Variants in RGPD2 observed in about 807,000 individuals in gnomAD.
RGPD2 encodes the protein RANBP2 like and GRIP domain containing 2, also known as RANBP2-like and GRIP domain-containing protein 2.
In RGPD2, 2 loss-of-function variants were observed where a neutral mutation model predicts 36.0. That is an observed-to-expected ratio of 0.06 (90% CI 0.02 to 0.17). The LOEUF (loss-of-function observed/expected upper bound fraction) is 0.17. Ranked by LOEUF, RGPD2 falls within the 10% of genes least tolerant of loss-of-function variation. RGPD2 has a pLI of 1.00. For synonymous variants in RGPD2, 19 were observed against 163.8 expected, an observed-to-expected ratio of 0.12 and a Z score of 6.75; for missense variants, 40 against 464.3, an observed-to-expected ratio of 0.09 and a Z score of 8.40.
the RGPD2 span, chr2:87,985,987 T>A: frequency 8.8e-7 from 1 of 1,131,930 alleles, no homozygotes. Context: ...ATAACCAAGT[T>A]TTTTTAACTT....
the RGPD2 span, among the ~76,000 whole-genome samples, chr2:87,971,986 T>A: frequency 1.9e-4 from 29 of 149,860 alleles, no homozygotes; most frequent in African/African-American, 9.9e-5. Context: ...GGAATAAGAA[T>A]GTCCTCAGAA....
At chr2:87,980,019 C>T in the RGPD2 span, among the ~76,000 whole-genome samples, 1 of 151,118 alleles carries the variant, frequency 6.6e-6, no homozygotes, top group African/African-American at 2.4e-5. Context: ...GTAAATTACA[C>T]CACAATTTAA....
the RGPD2 span, among the ~76,000 whole-genome samples, chr2:87,988,182 G>C: frequency 7.4e-6 from 1 of 135,682 alleles, no homozygotes; most frequent in African/African-American, 2.6e-5. Context: ...ACGTTTGTTG[G>C]CAAATCCCTT....
chr2:87,839,607 T>C, the RGPD2 span, among the ~76,000 whole-genome samples: 34 of 152,062 alleles, frequency 2.2e-4, no homozygotes, highest in African/African-American at 7.9e-4. Flanking sequence ...AAGAAGAAAA[T>C]TGTGTCTTTT....
the RGPD2 span, among the ~76,000 whole-genome samples, chr2:87,937,845 A>G: frequency 3.9e-5 from 6 of 151,966 alleles, no homozygotes; most frequent in Non-Finnish European, 8.8e-5. Flanking sequence ...GAGTATTTCA[A>G]GGAGGTAGAT....
the RGPD2 span, among the ~76,000 whole-genome samples, chr2:87,942,467 C>A: frequency 7.3e-6 from 1 of 137,818 alleles, no homozygotes; most frequent in Non-Finnish European, 1.5e-5. Context: ...ACTAGTTTTT[C>A]CTTCTATTTT....
chr2:87,841,908 C>T, the RGPD2 span, among the ~76,000 whole-genome samples: 25 of 142,798 alleles, frequency 1.8e-4, no homozygotes, highest in Admixed American at 3.6e-4. Flanking sequence ...GTTCAATATA[C>T]GCAAATCAAT....
At chr2:87,897,476 TA>T in the RGPD2 span, among the ~76,000 whole-genome samples, 2 of 151,924 alleles carry the variant, frequency 1.3e-5, no homozygotes, top group African/African-American at 4.8e-5. Context: ...ATTTTTATTT[TA>T]TTTTTTTAGG....
At chr2:87,825,273 G>T in intron 1 of RGPD2, 1 of 393,200 alleles carries the variant, frequency 2.5e-6, no homozygotes, top group East Asian at 3.6e-5. Flanking sequence ...CAAAACAAAT[G>T]ATAGCCATAC....
chr2:87,852,663 C>T, the RGPD2 span, among the ~76,000 whole-genome samples: 2 of 152,244 alleles, frequency 1.3e-5, no homozygotes, highest in African/African-American at 4.8e-5. Flanking sequence ...ACTAAACATG[C>T]TCCCATCTCA....
chr2:87,986,006 T>G, the RGPD2 span: 2 of 827,550 alleles, frequency 2.4e-6, no homozygotes, highest in Non-Finnish European at 3.8e-6. Flanking sequence ...TTCTACTATG[T>G]AAAGGCCAAT....
At chr2:87,823,635 CA>C (rs1300874858) in intron 1 of RGPD2, among the ~76,000 whole-genome samples, 30 of 60,384 alleles carry the variant, frequency 5.0e-4, no homozygotes, top group African/African-American at 1.2e-3. Context: ...GACTCTGTCT[CA>C]AAAAAAAAAA....
At chr2:87,956,416 C>T in the RGPD2 span, among the ~76,000 whole-genome samples, 16 of 150,230 alleles carry the variant, frequency 1.1e-4, no homozygotes, top group Non-Finnish European at 2.1e-4. Context: ...TATATATGTA[C>T]GTGTGTGTGC....
chr2:87,976,453 C>T, the RGPD2 span, among the ~76,000 whole-genome samples: 3 of 152,018 alleles, frequency 2.0e-5, no homozygotes, highest in African/African-American at 7.2e-5. Context: ...AAATGTAACA[C>T]ATTACAGTTC....
chr2:87,825,465 CGAG>C (rs1175259359), intron 1 of RGPD2, among the ~76,000 whole-genome samples, 190 bp downstream of exon 1: 185 of 118,634 alleles, frequency 1.6e-3, no homozygotes, highest in African/African-American at 2.2e-3. Flanking sequence ...AGGCCGAGGC[CGAG>C]GCCGCCGTCG....
At chr2:87,916,531 C>T in the RGPD2 span, among the ~76,000 whole-genome samples, 2 of 120,314 alleles carry the variant, frequency 1.7e-5, no homozygotes, top group African/African-American at 6.7e-5. Flanking sequence ...GGAGGTGGGG[C>T]CCGGTGGGGG....
chr2:87,873,211 A>C, the RGPD2 span, among the ~76,000 whole-genome samples: 2 of 149,822 alleles, frequency 1.3e-5, no homozygotes, highest in African/African-American at 5.0e-5. Context: ...CATAGTGTAT[A>C]TGTACCATAT....
the RGPD2 span, among the ~76,000 whole-genome samples, chr2:87,988,543 T>TATATATATATA: frequency 3.6e-4 from 10 of 27,818 alleles, no homozygotes; most frequent in East Asian, 6.2e-3. Flanking sequence ...ATATATATAT[T>TATATATATATA]TTTTTTTTTT....
At chr2:87,947,900 C>T in the RGPD2 span, among the ~76,000 whole-genome samples, 1 of 152,154 alleles carries the variant, frequency 6.6e-6, no homozygotes, top group Middle Eastern at 3.2e-3. Flanking sequence ...AAAAGGCAAT[C>T]GTATAATCTA....
Sources: gnomAD v4.1 joint callset for allele counts (sites outside exome capture counted in the v4.1 genomes callset) on GRCh38, gnomAD v4.1.1 for gene constraint, MANE v1.5 for transcripts, NCBI Gene and HGNC (gene_info 2026-07-23, HGNC 2026-07-21) for gene names.